DMD: variants seen among roughly 807,000 people sequenced by gnomAD.
The protein encoded by DMD is dystrophin.
In DMD, 63 loss-of-function variants were observed where a neutral mutation model predicts 330.1. The observed-to-expected ratio is 0.19, with a 90% CI of 0.16 to 0.24. DMD has a LOEUF of 0.24. Among genes scored for constraint, DMD ranks in the 10% least tolerant of loss-of-function variants. The probability of loss-of-function intolerance (pLI) is 1.00; values close to 1 mark genes in which losing one functional copy is unlikely to be tolerated. For synonymous variants in DMD, 1,223 were observed against 959.8 expected (o/e 1.27, Z -5.07); for missense variants, 3,344 against 2,684.1 (o/e 1.25, Z -5.43).
intron 57 of DMD, among the ~76,000 whole-genome samples, chrX:31,484,332 A>G (rs2068623167): frequency 8.9e-6 from 1 of 112,023 alleles, no homozygotes; most frequent in Admixed American, 9.5e-5. Flanking sequence ...TCAGATATAG[A>G]TATTTTCTCC....
intron 44 of DMD, among the ~76,000 whole-genome samples, chrX:32,027,726 T>C (rs1219710092): frequency 8.9e-6 from 1 of 112,125 alleles, no homozygotes; most frequent in Non-Finnish European, 1.9e-5. Context: ...CATCTTCTCT[T>C]GAGGAATAAT....
At chrX:32,282,992 C>T (rs1294596275) in intron 43 of DMD, among the ~76,000 whole-genome samples, 2 of 111,934 alleles carry the variant, frequency 1.8e-5, no homozygotes, top group Non-Finnish European at 3.8e-5. Context: ...TCAGATTTGG[C>T]AACGTAATTT....
chrX:32,452,866 T>C lies in DMD; in HGVS notation c.3603+1796A>G, dbSNP rs5972574. On this transcript the variant is annotated intron_variant, in intron 26 of 78. Coordinates refer to ENST00000357033, the MANE Select transcript of DMD (RefSeq NM_004006.3). ...ACCTCCTAAGACTTATCTGAGGTAA[T>C]TTTATCCCATTTTCCTTCCTTCAGG... Among the ~76,000 whole-genome samples, 18,116 of 110,625 alleles carry C rather than the reference T, an allele frequency of 0.16. 2,554 individuals carry two copies. Among genetic ancestry groups the C allele is most frequent in the African/African-American group, 0.46 (14,049 of 30,336 alleles).
chrX:32,502,145 A>G (rs1056347364), intron 18 of DMD, among the ~76,000 whole-genome samples: 8 of 111,887 alleles, frequency 7.2e-5, no homozygotes, highest in African/African-American at 2.3e-4. Context: ...GCAATTCATA[A>G]CAATGAAAGA....
At chrX:32,887,851 A>C (rs998776716) in intron 2 of DMD, among the ~76,000 whole-genome samples, 2 of 109,646 alleles carry the variant, frequency 1.8e-5, no homozygotes, top group Admixed American at 2.0e-4. Context: ...AGGCAACAAA[A>C]ATAAAAATAG....
intron 7 of DMD, among the ~76,000 whole-genome samples, chrX:32,710,792 T>C (rs1381749104): frequency 1.8e-5 from 2 of 110,968 alleles, no homozygotes; most frequent in African/African-American, 3.3e-5. Context: ...ACCTGGGGGT[T>C]TGAAAGATTC....
At chrX:32,996,783 C>T (rs2093132064) in intron 2 of DMD, among the ~76,000 whole-genome samples, 1 of 108,767 alleles carries the variant, frequency 9.2e-6, no homozygotes, top group Non-Finnish European at 1.9e-5. Flanking sequence ...TGCCATTGCA[C>T]TCCACCTTGG....
At chrX:32,400,549 G>A (rs182011980) in intron 30 of DMD, among the ~76,000 whole-genome samples, 2,444 of 110,889 alleles carry the variant, frequency 0.022, 72 homozygotes, top group African/African-American at 0.078. Flanking sequence ...GTTCCTCCTT[G>A]TACCTCTGCA....
chrX:31,191,389 C>G (rs1284840563), intron 67 of DMD, among the ~76,000 whole-genome samples: 1 of 111,638 alleles, frequency 9.0e-6, no homozygotes, highest in East Asian at 2.8e-4. Flanking sequence ...AAAGGGTAAT[C>G]TCTCCTTTGT....
At chrX:31,381,347 T>C (rs868865907) in intron 60 of DMD, among the ~76,000 whole-genome samples, 1 of 111,937 alleles carries the variant, frequency 8.9e-6, no homozygotes, top group Non-Finnish European at 1.9e-5. Context: ...CTAGCCCTCA[T>C]GTCTGCGTGC....
At chrX:32,971,726 T>C (rs34609968) in intron 2 of DMD, among the ~76,000 whole-genome samples, 5,122 of 110,767 alleles carry the variant, frequency 0.046, 151 homozygotes, top group East Asian at 0.21. Flanking sequence ...TGTTCTATGT[T>C]CTATAGTATT....
At chrX:32,035,611 C>T (rs2095937416) in intron 44 of DMD, 1 of 282,534 alleles carries the variant, frequency 3.5e-6, no homozygotes. Flanking sequence ...TACACCTTCT[C>T]CTCTACTAGA....
intron 1 of DMD, among the ~76,000 whole-genome samples, chrX:33,031,754 G>A (rs1204200892): frequency 3.6e-5 from 4 of 110,605 alleles, no homozygotes; most frequent in African/African-American, 1.3e-4. Flanking sequence ...CCCGACAGGA[G>A]TTCAAGACTC....
At chrX:31,565,774 C>T (rs1042614658) in intron 55 of DMD, among the ~76,000 whole-genome samples, 11 of 112,158 alleles carry the variant, frequency 9.8e-5, no homozygotes, top group African/African-American at 2.9e-4. Flanking sequence ...TCCTTGCTAG[C>T]ATCTGGTGTT....
intron 64 of DMD, among the ~76,000 whole-genome samples, chrX:31,220,780 C>T (rs909444185): frequency 1.2e-4 from 13 of 110,636 alleles, no homozygotes; most frequent in African/African-American, 3.3e-4. Context: ...AAGTGTCTTC[C>T]TTGACTCCCT....
At chrX:33,291,770 C>G in intron 1 of DMD, among the ~76,000 whole-genome samples, 1 of 110,883 alleles carries the variant, frequency 9.0e-6, no homozygotes, top group African/African-American at 3.3e-5. Context: ...TTGTAACTCA[C>G]TTGTAATATT....
At chrX:33,068,836 C>T (rs1291581478) in intron 1 of DMD, among the ~76,000 whole-genome samples, 2 of 112,340 alleles carry the variant, frequency 1.8e-5, no homozygotes, top group Admixed American at 9.4e-5. Context: ...GGCATCATTA[C>T]AGCTTTGTGA....
chrX:32,115,862 T>C (rs780188733), intron 44 of DMD, among the ~76,000 whole-genome samples: 1 of 111,827 alleles, frequency 8.9e-6, no homozygotes, highest in Non-Finnish European at 1.9e-5. Flanking sequence ...GAACCACCTC[T>C]GATGTGGACT....
chrX:31,774,370 T>G (rs2090529667), intron 50 of DMD, among the ~76,000 whole-genome samples, 178 bp from the exon 51 acceptor site: 1 of 111,895 alleles, frequency 8.9e-6, no homozygotes, highest in African/African-American at 3.2e-5. Flanking sequence ...ATACTTTGTT[T>G]AGCAATACAT....
Sources: allele counts gnomAD v4.1 joint callset (sites outside exome capture counted in the v4.1 genomes callset), GRCh38; gene constraint gnomAD v4.1.1; transcripts MANE v1.5; gene names NCBI Gene and HGNC (gene_info 2026-07-23, HGNC 2026-07-21).